HLA-DRA: variants seen among roughly 807,000 people sequenced by gnomAD.
HLA-DRA encodes HLA class II histocompatibility antigen, DR alpha chain.
HLA-DRA carries 8 observed loss-of-function variants against 22.1 expected under a neutral mutation model. The ratio of observed to expected loss-of-function variants is 0.36; its 90% CI spans 0.21 to 0.65. HLA-DRA has a LOEUF of 0.65. Among genes scored for constraint, HLA-DRA ranks in the 30% least tolerant of loss-of-function variants. HLA-DRA has a pLI of 0.63. For missense variants in HLA-DRA, 248 were observed against 321.3 expected (o/e 0.77, Z 1.74); for synonymous variants, 101 against 117.1 (o/e 0.86, Z 0.89).
rs1762735978 is a variant in HLA-DRA at position 32,443,339 on chromosome 6, C to T, written c.483C>T (p.Val161=). ...TCACCACAGGAGTGTCAGAGACAGT[C>T]TTCCTGCCCAGGGAAGACCACCTTT... The part of the protein sequence containing the change: ...KPVTTGVSET[V]FLPREDHLFR... Residue 161 remains valine (V), a synonymous_variant, in exon 3 of 5, where the codon GTC becomes GTT. Coordinates refer to ENST00000395388, the MANE Select transcript of HLA-DRA (RefSeq NM_019111.5). The T allele has an allele frequency of 1.9e-6, 3 of 1,613,096 alleles. No individual in the cohort carries two copies. The highest frequency in any genetic ancestry group is 2.5e-6 in the Non-Finnish European group (3 of 1,180,028).
chr6:32,440,010 T>C lies in HLA-DRA; in HGVS notation c.60T>C (p.Ala20=). Residue 20 remains alanine, a synonymous_variant, in exon 1 of 5, where the codon GCT becomes GCC. Coordinates refer to ENST00000395388, the MANE Select transcript of HLA-DRA (RefSeq NM_019111.5). ...GFFIIAVLMS[A]QESWAIKEEH... Reference sequence around the variant, plus strand: ...TCATCATAGCTGTGCTGATGAGCGCTCAGGAATCATGGGCTATCAAAGGTA... The same window carrying C: ...TCATCATAGCTGTGCTGATGAGCGCCCAGGAATCATGGGCTATCAAAGGTA... The C allele has an allele frequency of 6.2e-7, 1 of 1,614,008 alleles. No homozygotes were observed. The highest frequency in any genetic ancestry group is 8.5e-7 in the Non-Finnish European group (1 of 1,179,942).
At chr6:32,443,494 T>C (rs2150375706) in intron 3 of HLA-DRA, 28 bp downstream of exon 3, 1 of 1,594,588 alleles carries the variant, frequency 6.3e-7, no homozygotes, top group Non-Finnish European at 8.6e-7. Flanking sequence ...ATCTCCTTTA[T>C]TTCAAGGTTT....
In HLA-DRA at chr6:32,439,912, C is replaced by G. The variant is rs769278344; in HGVS notation, c.-39C>G. On this transcript the variant is annotated 5_prime_UTR_variant, in exon 1 of 5. Transcript: ENST00000395388. ...ATTCTTGTCTGTTCTGCCTCACTCC[C>G]GAGCTCTACTGACTCCCAACAGAGC... The G allele has an allele frequency of 1.3e-6, 2 of 1,526,732 alleles. No individual in the cohort carries two copies. The highest frequency in any genetic ancestry group is 1.8e-6 in the Non-Finnish European group (2 of 1,100,474). 94.6% of individuals were successfully genotyped at this position (1,526,732 alleles called of 1,614,324 possible).
chr6:32,444,013 C>A, intron 4 of HLA-DRA, 92 bp downstream of exon 4: 2 of 946,518 alleles, frequency 2.1e-6, no homozygotes, highest in South Asian at 2.6e-5. Flanking sequence ...ATTTAAGAGA[C>A]AAGGTAGGAA....
At chr6:32,443,122 G>A in intron 2 of HLA-DRA, 63 bp from the exon 3 acceptor site, 1 of 1,410,074 alleles carries the variant, frequency 7.1e-7, no homozygotes, top group Non-Finnish European at 1.0e-6. Context: ...GAGCATGGGA[G>A]GGAGAGGGGT....
At position 32,442,683 on chromosome 6, in the gene HLA-DRA, G is replaced by T. The variant is rs763663867; in HGVS notation, c.318G>T (p.Pro106=). The T allele has an allele frequency of 8.1e-6, 13 of 1,612,996 alleles. No individual in the cohort carries two copies. The highest frequency in any genetic ancestry group is 1.1e-5 in the Non-Finnish European group (13 of 1,180,004). ...EIMTKRSNYT[P]ITNVPPEVTV... ...TGACAAAGCGCTCCAACTATACTCC[G>T]ATCACCAATGGTACCTCCCTCTCTG... The change falls in exon 2 of 5, where the codon CCG becomes CCT. Residue 106 remains proline, a synonymous_variant. Coordinates refer to ENST00000395388, the MANE Select transcript of HLA-DRA (RefSeq NM_019111.5).
chr6:32,442,468 G>T lies in HLA-DRA; in HGVS notation c.103G>T (p.Ala35Ser). Residue 35 changes from alanine (A) to serine (S), a missense_variant, in exon 2 of 5, where the codon GCC becomes TCC. Ala to Ser is a moderately conservative substitution (Grantham distance 99, BLOSUM62 1). Transcript: ENST00000395388. ...AIKEEHVIIQAEFYLNPDQSG... is the reference protein window; with the variant it reads ...AIKEEHVIIQSEFYLNPDQSG... The stretch of plus-strand genomic sequence containing the variant: ...TTCAGAAGAACATGTGATCATCCAG[G>T]CCGAGTTCTATCTGAATCCTGACCA... 3 of 1,612,918 alleles carry T rather than the reference G, an allele frequency of 1.9e-6. No homozygotes were observed. The highest frequency in any genetic ancestry group is 2.5e-6 in the Non-Finnish European group (3 of 1,180,010).
rs751112603 is a variant in HLA-DRA, at chr6:32,442,691, A to C, written c.326A>C (p.Asn109Thr). Residue 109 changes from asparagine (N) to threonine (T), a missense_variant and splice_region_variant, in exon 2 of 5, where the codon AAT becomes ACT. Transcript: ENST00000395388. ...TKRSNYTPIT[N>T]VPPEVTVLTN... ...CGCTCCAACTATACTCCGATCACCAATGGTACCTCCCTCTCTGCTGCACTC... is the reference window on the plus strand; with the variant it reads ...CGCTCCAACTATACTCCGATCACCACTGGTACCTCCCTCTCTGCTGCACTC... The C allele has an allele frequency of 4.6e-5, 74 of 1,612,820 alleles. No individual in the cohort carries two copies. The South Asian group carries it at 8.1e-4, about 18-fold the overall frequency.
Position 32,440,015 on chromosome 6 carries a change from A to G in HLA-DRA, c.65A>G (p.Glu22Gly). The G allele has an allele frequency of 6.2e-7, 1 of 1,614,020 alleles. No homozygotes were observed. The highest frequency in any genetic ancestry group is 8.5e-7 in the Non-Finnish European group (1 of 1,179,936). ...FIIAVLMSAQ[E>G]SWAIKEEHVI... ...ATAGCTGTGCTGATGAGCGCTCAGG[A>G]ATCATGGGCTATCAAAGGTAGGTGC... Residue 22 changes from glutamate (E) to glycine (G), a missense_variant, in exon 1 of 5, where the codon GAA becomes GGA. Glu to Gly is a moderately conservative substitution (Grantham distance 98). Transcript: ENST00000395388.
chr6:32,442,415 C>T (rs777592042), intron 1 of HLA-DRA, 33 bp from the exon 2 acceptor site: 55 of 1,612,014 alleles, frequency 3.4e-5, no homozygotes, highest in Non-Finnish European at 4.6e-5. Context: ...ATTCCCCCCA[C>T]CCAACTCTCT....
In HLA-DRA at chr6:32,442,684, A is replaced by G. The variant is rs867880019; in HGVS notation, c.319A>G (p.Ile107Val). ...GACAAAGCGCTCCAACTATACTCCG[A>G]TCACCAATGGTACCTCCCTCTCTGC... is the stretch of plus-strand genomic sequence containing the variant. ...IMTKRSNYTP[I>V]TNVPPEVTVL... The change falls in exon 2 of 5, where the codon ATC becomes GTC. Residue 107 changes from isoleucine (I) to valine (V), a missense_variant. Ile to Val is a conservative substitution (Grantham distance 29). Coordinates refer to ENST00000395388, the MANE Select transcript of HLA-DRA (RefSeq NM_019111.5). The G allele has an allele frequency of 6.2e-7, 1 of 1,613,020 alleles. No homozygotes were observed. The highest frequency in any genetic ancestry group is 1.3e-5 in the African/African-American group (1 of 75,044).
intron 4 of HLA-DRA, 51 bp downstream of exon 4, chr6:32,443,972 G>A (rs1430438771): frequency 2.2e-6 from 3 of 1,338,286 alleles, no homozygotes; most frequent in African/African-American, 1.5e-5. Flanking sequence ...TCTGAGGGAG[G>A]AAAACAGGGT....
At chr6:32,444,302 C>G (rs976085104) in intron 4 of HLA-DRA, among the ~76,000 whole-genome samples, 6 of 152,162 alleles carry the variant, frequency 3.9e-5, no homozygotes, top group African/African-American at 1.4e-4. Context: ...CACATCCTAG[C>G]TTGTATTTCC....
Position 32,443,927 on chromosome 6 carries a change from T to C in HLA-DRA, c.*11+6T>C, listed in dbSNP as rs878981056. On this transcript the variant is annotated splice_donor_region_variant and intron_variant, in intron 4 of 4. Transcript: ENST00000395388. The stretch of plus-strand genomic sequence containing the variant: ...CCTCTGTAAGGCACATGGAGGTGAG[T>C]TAGGTGTGGTCAGAGGAAGACGTAT... 1.9e-6 allele frequency: 3 copies of C among 1,566,852 alleles called. No individual in the cohort carries two copies. The highest frequency in any genetic ancestry group is 2.6e-6 in the Non-Finnish European group (3 of 1,158,330).
Position 32,442,627 on chromosome 6 carries a change from A to C in HLA-DRA, c.262A>C (p.Ile88Leu), listed in dbSNP as rs1292865260. The change falls in exon 2 of 5, where the codon ATA becomes CTA. Residue 88 changes from isoleucine to leucine, a missense_variant. Ile to Leu is a conservative substitution (Grantham distance 5). Transcript: ENST00000395388. ...SFEAQGALAN[I>L]AVDKANLEIM... Reference sequence around the variant, plus strand: ...TGAGGCTCAAGGTGCATTGGCCAACATAGCTGTGGACAAAGCCAACCTGGA... The same window carrying C: ...TGAGGCTCAAGGTGCATTGGCCAACCTAGCTGTGGACAAAGCCAACCTGGA... 6 of 1,613,090 alleles carry C rather than the reference A, an allele frequency of 3.7e-6. No individual in the cohort carries two copies. The highest frequency in any genetic ancestry group is 5.1e-6 in the Non-Finnish European group (6 of 1,180,040).
In HLA-DRA at chr6:32,443,442, G is replaced by T; in HGVS notation, c.586G>T (p.Asp196Tyr). Reference sequence around the variant, plus strand: ...CTGCAGGGTGGAGCACTGGGGCTTGGATGAGCCTCTTCTCAAGCACTGGGG... The same window carrying T: ...CTGCAGGGTGGAGCACTGGGGCTTGTATGAGCCTCTTCTCAAGCACTGGGG... ...YDCRVEHWGL[D>Y]EPLLKHWEFD... Residue 196 changes from aspartate (D) to tyrosine (Y), a missense_variant, in exon 3 of 5, where the codon GAT (aspartate) becomes TAT (tyrosine). Asp to Tyr is a radical substitution (Grantham distance 160). Coordinates refer to ENST00000395388, the MANE Select transcript of HLA-DRA (RefSeq NM_019111.5). The T allele has an allele frequency of 6.2e-7, 1 of 1,612,906 alleles. No homozygotes were observed. The highest frequency in any genetic ancestry group is 8.5e-7 in the Non-Finnish European group (1 of 1,179,942).
At chr6:32,443,631 T>A in intron 3 of HLA-DRA, 125 bp from the exon 4 acceptor site, 1 of 1,154,472 alleles carries the variant, frequency 8.7e-7, no homozygotes, top group Non-Finnish European at 1.2e-6. Context: ...TCTCAATACA[T>A]CATTCTGTCT....
At chr6:32,442,350 C>T (rs1328797709) in intron 1 of HLA-DRA, 98 bp from the exon 2 acceptor site, 2 of 1,418,008 alleles carry the variant, frequency 1.4e-6, no homozygotes, top group Non-Finnish European at 2.0e-6. Flanking sequence ...TTGGCCCAAT[C>T]TCTCTCCACT....
In HLA-DRA at chr6:32,442,458, G is replaced by T; in HGVS notation, c.93G>T (p.Val31=). ...TTTCTTGCCTTTCAGAAGAACATGT[G>T]ATCATCCAGGCCGAGTTCTATCTGA... The part of the protein sequence containing the change: ...QESWAIKEEH[V]IIQAEFYLNP... The change falls in exon 2 of 5, where the codon GTG becomes GTT. Residue 31 remains valine (V), a synonymous_variant. Coordinates refer to ENST00000395388, the MANE Select transcript of HLA-DRA (RefSeq NM_019111.5). 6.2e-7 allele frequency: 1 copy of T among 1,612,960 alleles called. No individual in the cohort carries two copies. Among genetic ancestry groups the T allele is most frequent in the South Asian group, 1.1e-5 (1 of 91,054 alleles).
Sources: gnomAD v4.1 joint callset for allele counts (sites outside exome capture counted in the v4.1 genomes callset) on GRCh38, gnomAD v4.1.1 for gene constraint, MANE v1.5 for transcripts, NCBI Gene and HGNC (gene_info 2026-07-23, HGNC 2026-07-21) for gene names.